Variants in GALNT13 observed in about 807,000 individuals in gnomAD.
The protein encoded by GALNT13 is UDP-GalNAc:polypeptide N-acetylgalactosaminyltransferase 13.
A neutral mutation model predicts 64.2 loss-of-function variants in GALNT13; 28 were observed. The ratio of observed to expected loss-of-function variants is 0.44; its 90% CI spans 0.32 to 0.60. The LOEUF is 0.60. Ranked by LOEUF, GALNT13 falls within the 20% of genes least tolerant of loss-of-function variation. GALNT13 has a pLI of 0.05. For missense variants in GALNT13, 577 were observed against 669.8 expected, an observed-to-expected ratio of 0.86 and a Z score of 1.53; for synonymous variants, 214 against 224.6, an observed-to-expected ratio of 0.95 and a Z score of 0.42.
At chr2:153,770,146 T>C in the GALNT13 span, among the ~76,000 whole-genome samples, 1 of 151,922 alleles carries the variant, frequency 6.6e-6, no homozygotes, top group Admixed American at 6.6e-5. Flanking sequence ...GTTTTTTTCC[T>C]ATTTTTAGAG....
chr2:153,528,184 C>T, the GALNT13 span, among the ~76,000 whole-genome samples: 7 of 151,558 alleles, frequency 4.6e-5, no homozygotes, highest in Non-Finnish European at 8.9e-5. Context: ...ACAAGAAACA[C>T]ACCTCATCTA....
the GALNT13 span, among the ~76,000 whole-genome samples, chr2:153,396,800 T>C: frequency 6.6e-6 from 1 of 152,130 alleles, no homozygotes; most frequent in Admixed American, 6.6e-5. Context: ...TTATGGAAAA[T>C]GTGAGGAGAA....
chr2:153,689,938 C>T, the GALNT13 span, among the ~76,000 whole-genome samples: 3 of 151,966 alleles, frequency 2.0e-5, no homozygotes, highest in Non-Finnish European at 2.9e-5. Context: ...CTTTTGTTGT[C>T]GCTGTAATTA....
the GALNT13 span, among the ~76,000 whole-genome samples, chr2:153,350,142 C>G: frequency 6.6e-6 from 1 of 151,970 alleles, no homozygotes; most frequent in Non-Finnish European, 1.5e-5. Context: ...TAATTGTTGT[C>G]CAACTTTTCC....
chr2:153,258,379 C>CAA, the GALNT13 span, among the ~76,000 whole-genome samples: 7 of 138,504 alleles, frequency 5.1e-5, no homozygotes, highest in African/African-American at 1.2e-4. Context: ...AAAAACAAAA[C>CAA]AAAACAAAAC....
At chr2:154,411,317 TACACACACACAC>T (rs59114913) in intron 11 of GALNT13, among the ~76,000 whole-genome samples, 48 of 147,880 alleles carry the variant, frequency 3.2e-4, no homozygotes, top group South Asian at 1.7e-3. Flanking sequence ...TAATTGCACA[TACACACACACAC>T]ACACACACAC....
chr2:154,182,739 AC>A (rs1354086054), intron 4 of GALNT13, among the ~76,000 whole-genome samples: 9 of 150,922 alleles, frequency 6.0e-5, no homozygotes, highest in Non-Finnish European at 1.0e-4. Context: ...ATTGGTGTTG[AC>A]CCCTTTTTAA....
intron 4 of GALNT13, among the ~76,000 whole-genome samples, chr2:154,147,060 G>A (rs910840808): frequency 6.6e-6 from 1 of 151,972 alleles, no homozygotes; most frequent in Non-Finnish European, 1.5e-5. Flanking sequence ...TAAGAATGTA[G>A]AGGAAAGGTT....
the GALNT13 span, among the ~76,000 whole-genome samples, chr2:153,471,858 A>G: frequency 5.9e-5 from 9 of 152,218 alleles, no homozygotes; most frequent in African/African-American, 2.2e-4. Flanking sequence ...TTTACTTGCA[A>G]CATTTCCTAT....
intron 3 of GALNT13, among the ~76,000 whole-genome samples, chr2:154,019,651 CACAA>C (rs770704875): frequency 0.033 from 4,126 of 125,026 alleles, 97 homozygotes; most frequent in Non-Finnish European, 0.049. Context: ...CACACACACA[CACAA>C]AAGCAAGAAA....
chr2:153,789,710 G>A, the GALNT13 span, among the ~76,000 whole-genome samples: 1 of 152,010 alleles, frequency 6.6e-6, no homozygotes, highest in African/African-American at 2.4e-5. Context: ...AGAAAAGAGA[G>A]AAGATCCAAA....
chr2:154,147,079 C>T (rs1169264735), intron 4 of GALNT13, among the ~76,000 whole-genome samples: 1 of 151,952 alleles, frequency 6.6e-6, no homozygotes, highest in South Asian at 2.1e-4. Context: ...TTTTTCTCTT[C>T]CCTGTAAGTG....
At chr2:153,092,561 T>C in the GALNT13 span, among the ~76,000 whole-genome samples, 1 of 151,808 alleles carries the variant, frequency 6.6e-6, no homozygotes, top group African/African-American at 2.4e-5. Flanking sequence ...TTTATTTCTT[T>C]AGTTAATTCC....
At chr2:153,804,462 C>T in the GALNT13 span, among the ~76,000 whole-genome samples, 1 of 152,104 alleles carries the variant, frequency 6.6e-6, no homozygotes, top group Non-Finnish European at 1.5e-5. Context: ...TAGGCATGAG[C>T]CACAGCACCT....
At chr2:153,791,716 G>T in the GALNT13 span, among the ~76,000 whole-genome samples, 1 of 152,036 alleles carries the variant, frequency 6.6e-6, no homozygotes, top group Non-Finnish European at 1.5e-5. Flanking sequence ...AATATGGTAT[G>T]TCTACACCAT....
intron 4 of GALNT13, among the ~76,000 whole-genome samples, chr2:154,210,643 G>T (rs1289897222): frequency 1.3e-5 from 2 of 152,106 alleles, no homozygotes; most frequent in Non-Finnish European, 2.9e-5. Flanking sequence ...TATAATGTGG[G>T]ACACTTAATG....
intron 1 of GALNT13, among the ~76,000 whole-genome samples, chr2:153,888,409 T>G (rs1015372527): frequency 6.6e-6 from 1 of 152,004 alleles, no homozygotes; most frequent in Non-Finnish European, 1.5e-5. Flanking sequence ...TATAGGTTAT[T>G]AAATAGTATT....
the GALNT13 span, among the ~76,000 whole-genome samples, chr2:153,834,391 A>T: frequency 6.6e-6 from 1 of 152,174 alleles, no homozygotes; most frequent in East Asian, 1.9e-4. Flanking sequence ...AGACAAAGAT[A>T]AAAGCCAAAG....
chr2:153,250,400 G>A, the GALNT13 span, among the ~76,000 whole-genome samples: 2 of 152,224 alleles, frequency 1.3e-5, no homozygotes, highest in Admixed American at 6.5e-5. Flanking sequence ...TGGAGAGGAT[G>A]TGGAGAAATA....
Sources: allele counts gnomAD v4.1 joint callset (sites outside exome capture counted in the v4.1 genomes callset), GRCh38; gene constraint gnomAD v4.1.1; transcripts MANE v1.5; gene names NCBI Gene and HGNC (gene_info 2026-07-23, HGNC 2026-07-21).